The following SMIM36 variants were observed in gnomAD, a reference collection of about 807,000 sequenced individuals.
SMIM36 encodes small integral membrane protein 36.
the SMIM36 span, among the ~76,000 whole-genome samples, chr17:55,518,247 A>G: frequency 3.3e-5 from 5 of 152,218 alleles, no homozygotes; most frequent in African/African-American, 4.8e-5. Context: ...TTGTCATTTC[A>G]TCAAGAATCT....
upstream of SMIM36, among the ~76,000 whole-genome samples, chr17:55,515,294 C>A (rs973391417): frequency 6.6e-6 from 1 of 151,990 alleles, no homozygotes; most frequent in African/African-American, 2.4e-5. Flanking sequence ...AACCTACCAC[C>A]CTTCTCAGCC....
At chr17:55,481,869 A>AT (rs888768151) in intron 1 of SMIM36, among the ~76,000 whole-genome samples, 20 of 151,648 alleles carry the variant, frequency 1.3e-4, no homozygotes, top group African/African-American at 2.4e-4. Flanking sequence ...AATTTTGTTT[A>AT]TTTTTTTTGT....
intron 1 of SMIM36, among the ~76,000 whole-genome samples, chr17:55,493,833 A>AAGC (rs1909760821): frequency 7.0e-6 from 1 of 142,312 alleles, no homozygotes; most frequent in Admixed American, 7.2e-5. Flanking sequence ...AAAAAAAAAA[A>AAGC]AGCAGCAGCA....
At chr17:55,508,335 C>G (rs1462637654) in intron 1 of SMIM36, among the ~76,000 whole-genome samples, 1 of 149,844 alleles carries the variant, frequency 6.7e-6, no homozygotes, top group South Asian at 2.1e-4. Context: ...GTCCTGAAAA[C>G]AAACAAACAA....
At chr17:55,516,554 CTTTTTTTTTT>C in the SMIM36 span, among the ~76,000 whole-genome samples, 9 of 98,556 alleles carry the variant, frequency 9.1e-5, no homozygotes, top group African/African-American at 3.2e-4. Flanking sequence ...AACAGTCTTC[CTTTTTTTTTT>C]TTTTTTTTTT....
the SMIM36 span, among the ~76,000 whole-genome samples, chr17:55,528,926 A>G: frequency 1.3e-5 from 2 of 152,224 alleles, no homozygotes; most frequent in African/African-American, 4.8e-5. Flanking sequence ...TGCAATTTGC[A>G]TATACAGAAA....
chr17:55,513,749 C>G (rs1164803311), upstream of SMIM36, among the ~76,000 whole-genome samples: 1 of 152,196 alleles, frequency 6.6e-6, no homozygotes, highest in Non-Finnish European at 1.5e-5. Flanking sequence ...ATGAGAACTA[C>G]ATATAGTTTA....
exon 1 of SMIM36, chr17:55,510,879 C>T: frequency 2.6e-6 from 1 of 380,718 alleles, no homozygotes; most frequent in Non-Finnish European, 4.6e-6. Flanking sequence ...GGCTTCTTAC[C>T]TTAAACAGTT....
intron 4 of SMIM36, among the ~76,000 whole-genome samples, chr17:55,459,258 G>A (rs1909092471): frequency 6.6e-6 from 1 of 152,174 alleles, no homozygotes; most frequent in Non-Finnish European, 1.5e-5. Context: ...GGTTTTGAAT[G>A]TTTTGTGTTG....
At chr17:55,466,660 G>A (rs16955977) in intron 4 of SMIM36, among the ~76,000 whole-genome samples, 6,714 of 152,130 alleles carry the variant, frequency 0.044, 435 homozygotes, top group African/African-American at 0.14. Flanking sequence ...GATCCACAAC[G>A]TTCCTGTTCC....
intron 1 of SMIM36, among the ~76,000 whole-genome samples, chr17:55,490,397 G>C (rs1427705257): frequency 6.6e-6 from 1 of 152,172 alleles, no homozygotes; most frequent in Non-Finnish European, 1.5e-5. Context: ...GACATCTCAT[G>C]AATTTATAAG....
At chr17:55,493,640 T>C (rs1242613894) in intron 1 of SMIM36, among the ~76,000 whole-genome samples, 2 of 150,972 alleles carry the variant, frequency 1.3e-5, no homozygotes, top group Non-Finnish European at 2.9e-5. Flanking sequence ...TGAAACCCCA[T>C]CTCTACAAAA....
chr17:55,463,405 A>G (rs1436139078), intron 4 of SMIM36, among the ~76,000 whole-genome samples: 1 of 152,114 alleles, frequency 6.6e-6, no homozygotes, highest in East Asian at 1.9e-4. Flanking sequence ...AGAAATAAAA[A>G]AAATTGTCAG....
At chr17:55,460,415 T>G (rs1411265239) in intron 4 of SMIM36, among the ~76,000 whole-genome samples, 4 of 140,894 alleles carry the variant, frequency 2.8e-5, no homozygotes, top group East Asian at 4.1e-4. Flanking sequence ...GCGACAAGAG[T>G]GAGACTCTGT....
chr17:55,498,505 A>AT (rs961009270), intron 1 of SMIM36, among the ~76,000 whole-genome samples: 3 of 151,496 alleles, frequency 2.0e-5, no homozygotes, highest in African/African-American at 4.8e-5. Flanking sequence ...TAGTGGCCTC[A>AT]TTTTTTTTGA....
chr17:55,518,207 C>T, the SMIM36 span, among the ~76,000 whole-genome samples: 2 of 152,162 alleles, frequency 1.3e-5, no homozygotes, highest in African/African-American at 4.8e-5. Context: ...AGCATGAGAG[C>T]AGAGCAGGAC....
At chr17:55,482,152 C>T (rs945988155) in intron 1 of SMIM36, among the ~76,000 whole-genome samples, 3 of 152,124 alleles carry the variant, frequency 2.0e-5, no homozygotes, top group East Asian at 1.9e-4. Context: ...TAGTATTAGA[C>T]GAATCCTAAG....
rs879585738 is a variant in SMIM36, at chr17:55,477,841, G to A, written c.*347+921C>T. Among the ~76,000 whole-genome samples, 50 of 144,284 alleles carry A rather than the reference G, an allele frequency of 3.5e-4. 2 individuals are homozygous for A. The highest frequency in any genetic ancestry group is 3.4e-4 in the Non-Finnish European group (22 of 65,618). 94.7% of individuals were successfully genotyped at this position (144,284 alleles called of 152,430 possible). A position where few individuals can be genotyped will look rare whatever the true frequency, so the allele number is the denominator to read the frequency against. Reference sequence around the variant, plus strand: ...AAGTGAAGAAGAGGGGCATTTTCACGAACCTATTACTTTTTTTTTTTTTTT... The same window carrying A: ...AAGTGAAGAAGAGGGGCATTTTCACAAACCTATTACTTTTTTTTTTTTTTT... On this transcript the variant is annotated intron_variant, in intron 3 of 4. Transcript: ENST00000636752.
At position 55,510,913 on chromosome 17, in the gene SMIM36, G is replaced by A. The variant is rs570036591; in HGVS notation, c.*140C>T. 8 of 393,422 alleles carry A rather than the reference G, an allele frequency of 2.0e-5. No individual in the cohort carries two copies. The East Asian group carries it at 2.2e-4, about 11-fold the overall frequency. 24.4% of individuals were successfully genotyped at this position (393,422 alleles called of 1,614,324 possible). On this transcript the variant is annotated 3_prime_UTR_variant, in exon 1 of 5. Coordinates refer to ENST00000636752, the Ensembl canonical transcript of SMIM36. ...TTACTTTTGTCACAAAGAAGGTGAC[G>A]AGAAAACAGCAAGTAAGACAGAGCT...
Sources: gnomAD v4.1 joint callset for allele counts (sites outside exome capture counted in the v4.1 genomes callset) on GRCh38, gnomAD v4.1.1 for gene constraint, MANE v1.5 for transcripts, NCBI Gene and HGNC (gene_info 2026-07-23, HGNC 2026-07-21) for gene names.